Variants in ELFN2 observed in about 807,000 individuals in gnomAD.
ELFN2 encodes protein phosphatase 1 regulatory subunit 29.
A neutral mutation model predicts 45.5 loss-of-function variants in ELFN2; 17 were observed. The observed-to-expected ratio is 0.37, with a 90% CI of 0.26 to 0.56. The LOEUF is 0.56. Ranked by LOEUF, ELFN2 falls within the 20% of genes least tolerant of loss-of-function variation. The pLI is 0.77. For missense variants in ELFN2, 922 were observed against 1,183.2 expected, an observed-to-expected ratio of 0.78 and a Z score of 3.24; for synonymous variants, 550 against 551.5, an observed-to-expected ratio of 1.00 and a Z score of 0.04.
At chr22:37,404,186 G>A (rs1450702988) in intron 2 of ELFN2, among the ~76,000 whole-genome samples, 1 of 152,230 alleles carries the variant, frequency 6.6e-6, no homozygotes, top group Admixed American at 6.5e-5. Flanking sequence ...CTTGGCCCAA[G>A]GGCAGTGGGG....
chr22:37,412,800 C>T (rs934166415), intron 2 of ELFN2, among the ~76,000 whole-genome samples: 13 of 152,258 alleles, frequency 8.5e-5, no homozygotes, highest in Admixed American at 8.5e-4. Flanking sequence ...TCCACAGCCC[C>T]TCCAGGTCCA....
At chr22:37,425,870 T>TACACATAC (rs1932844343) in intron 1 of ELFN2, among the ~76,000 whole-genome samples, 2 of 145,786 alleles carry the variant, frequency 1.4e-5, no homozygotes, top group Non-Finnish European at 3.0e-5. Context: ...CACATACACA[T>TACACATAC]ACACACACAC....
Position 37,374,213 on chromosome 22 carries a change from A to G in ELFN2, c.1322T>C (p.Met441Thr). The change falls in exon 3 of 3, where the codon ATG becomes ACG. Residue 441 changes from methionine to threonine, a missense_variant. Physicochemically the swap from Met to Thr is moderately conservative, Grantham distance 81 (BLOSUM62 -1). Around this residue, in one of 2 missense-constraint regions of ELFN2, gnomAD observed 564 missense variants for 642.8 expected, o/e 0.88. Transcript: ENST00000402918. Reference sequence around the variant, plus strand: ...GGCATCCACATCAGCCCCGTAGCGCATCTCCAGGATGGTCTTCTTGACGTT... The same window carrying G: ...GGCATCCACATCAGCCCCGTAGCGCGTCTCCAGGATGGTCTTCTTGACGTT... Reference protein sequence around the residue: ...SVNVKKTILEMRYGADVDAGS... With the variant: ...SVNVKKTILETRYGADVDAGS... 6.2e-7 allele frequency: 1 copy of G among 1,613,778 alleles called. No homozygotes were observed. The highest frequency in any genetic ancestry group is 8.5e-7 in the Non-Finnish European group (1 of 1,180,020).
chr22:37,423,533 C>T (rs1932826103), intron 1 of ELFN2, among the ~76,000 whole-genome samples: 1 of 152,156 alleles, frequency 6.6e-6, no homozygotes, highest in Admixed American at 6.5e-5. Context: ...GGTCTGTAAC[C>T]TCTCTGTTTC....
intron 2 of ELFN2, among the ~76,000 whole-genome samples, chr22:37,386,874 C>T (rs1242429930): frequency 6.6e-6 from 1 of 152,172 alleles, no homozygotes; most frequent in Non-Finnish European, 1.5e-5. Context: ...GCCACCTCAC[C>T]CCGTGGTCCT....
At chr22:37,395,900 A>G (rs1397568419) in intron 2 of ELFN2, among the ~76,000 whole-genome samples, 1 of 152,166 alleles carries the variant, frequency 6.6e-6, no homozygotes, top group Non-Finnish European at 1.5e-5. Context: ...TGCTGTCAGC[A>G]CAAGCACCAC....
chr22:37,346,238 G>T (rs1289777337), intron 1 of ELFN2, among the ~76,000 whole-genome samples: 3 of 152,224 alleles, frequency 2.0e-5, no homozygotes, highest in African/African-American at 4.8e-5. Flanking sequence ...TCCGGCCTGT[G>T]CGCACACTGG....
In ELFN2 at chr22:37,374,582, G is replaced by C; in HGVS notation, c.953C>G (p.Pro318Arg). The stretch of plus-strand genomic sequence containing the variant: ...CACGAGGATGTACATCTTGCTGTAG[G>C]GGTGTGGGATGATGACCACCAGGGT... Reference protein sequence around the residue: ...SATLVVIIPHPYSKMYILVQY... With the variant: ...SATLVVIIPHRYSKMYILVQY... Residue 318 changes from proline to arginine, a missense_variant, in exon 3 of 3, where the codon CCC (proline) becomes CGC (arginine). Around this residue, in one of 2 missense-constraint regions of ELFN2, gnomAD observed 358 missense variants for 540.4 expected, o/e 0.66. Transcript: ENST00000402918. The C allele has an allele frequency of 6.2e-7, 1 of 1,614,266 alleles. No individual in the cohort carries two copies. Among genetic ancestry groups the C allele is most frequent in the Non-Finnish European group, 8.5e-7 (1 of 1,180,036 alleles).
rs964990513 is a variant in ELFN2, at chr22:37,351,168, C to T, written n.149-8465G>A. Among the ~76,000 whole-genome samples, 8 of 149,478 alleles carry T rather than the reference C, an allele frequency of 5.4e-5. 1 individual carries two copies. Among genetic ancestry groups the T allele is most frequent in the Admixed American group, 1.3e-4 (2 of 15,042 alleles). ...CCCTCCTCCCTCCTCTCCTCCTTCT[C>T]CCCTCTCTCCTCCCAGTCCTTCTCC... On this transcript the variant is annotated intron_variant and non_coding_transcript_variant, in intron 1 of 2. Coordinates refer to ENST00000452946, the Ensembl canonical transcript of ELFN2.
chr22:37,418,365 A>G (rs926386649), intron 1 of ELFN2, among the ~76,000 whole-genome samples: 22 of 152,050 alleles, frequency 1.4e-4, no homozygotes, highest in Non-Finnish European at 2.5e-4. Flanking sequence ...GGAAGAGGCC[A>G]GGGGCCACAG....
At chr22:37,416,147 G>T (rs1485744577) in intron 2 of ELFN2, among the ~76,000 whole-genome samples, 1 of 152,214 alleles carries the variant, frequency 6.6e-6, no homozygotes, top group Non-Finnish European at 1.5e-5. Context: ...ACCAGAGCCA[G>T]GTTGCAAACC....
chr22:37,390,355 T>G (rs1459091674), intron 2 of ELFN2, among the ~76,000 whole-genome samples: 1 of 152,192 alleles, frequency 6.6e-6, no homozygotes, highest in African/African-American at 2.4e-5. Flanking sequence ...ATTGATCTCA[T>G]GCTGTACACA....
intron 2 of ELFN2, among the ~76,000 whole-genome samples, chr22:37,391,176 T>G (rs1407029030): frequency 1.3e-5 from 2 of 152,184 alleles, no homozygotes; most frequent in Admixed American, 6.5e-5. Context: ...TCTCTTTCCC[T>G]ATCCGCCCAA....
intron 2 of ELFN2, among the ~76,000 whole-genome samples, chr22:37,397,977 C>T (rs1430524792): frequency 6.6e-6 from 1 of 152,124 alleles, no homozygotes; most frequent in Non-Finnish European, 1.5e-5. Context: ...CCTGGGGGTG[C>T]GAGGCTGCCC....
At chr22:37,405,153 C>T (rs1202273580) in intron 2 of ELFN2, among the ~76,000 whole-genome samples, 2 of 135,708 alleles carry the variant, frequency 1.5e-5, no homozygotes, top group Admixed American at 8.6e-5. Flanking sequence ...AGTGCAATGG[C>T]GTGATCTCGG....
intron 2 of ELFN2, among the ~76,000 whole-genome samples, chr22:37,394,741 G>A (rs927702756): frequency 1.3e-5 from 2 of 152,132 alleles, no homozygotes; most frequent in African/African-American, 4.8e-5. Flanking sequence ...TTCACTCCTC[G>A]CCTGGGACTG....
At chr22:37,348,495 G>A (rs2145611081) in intron 1 of ELFN2, among the ~76,000 whole-genome samples, 1 of 150,952 alleles carries the variant, frequency 6.6e-6, no homozygotes, top group East Asian at 1.9e-4. Flanking sequence ...AGGGAGGGGT[G>A]GCCTTCCTGG....
chr22:37,377,089 G>C (rs1014256991), intron 2 of ELFN2, among the ~76,000 whole-genome samples: 1 of 152,216 alleles, frequency 6.6e-6, no homozygotes, highest in Non-Finnish European at 1.5e-5. Flanking sequence ...CCACTTGATG[G>C]GGGAGAAGAA....
At chr22:37,402,946 C>T (rs1395493665) in intron 2 of ELFN2, among the ~76,000 whole-genome samples, 6 of 152,080 alleles carry the variant, frequency 3.9e-5, no homozygotes, top group Non-Finnish European at 4.4e-5. Context: ...CCCTTCAGGT[C>T]TCCTCCACAT....
Sources: allele counts gnomAD v4.1 joint callset (sites outside exome capture counted in the v4.1 genomes callset), GRCh38; gene constraint gnomAD v4.1.1; regional missense constraint gnomAD v4.1.1; transcripts MANE v1.5; gene names NCBI Gene and HGNC (gene_info 2026-07-23, HGNC 2026-07-21).